Variants in SNX14 observed in about 807,000 individuals in gnomAD.
SNX14 encodes the protein sorting nexin-14.
A neutral mutation model predicts 133.8 loss-of-function variants in SNX14; 93 were observed. The ratio of observed to expected loss-of-function variants is 0.70; its 90% CI spans 0.59 to 0.83. The LOEUF (loss-of-function observed/expected upper bound fraction) is 0.83, where lower values mean the gene tolerates loss of function less well. SNX14 is among the 40% of genes least tolerant of loss of function. The probability of loss-of-function intolerance (pLI) is 0.00; values close to 1 mark genes in which losing one functional copy is unlikely to be tolerated. For synonymous variants in SNX14, 368 were observed against 365.6 expected (o/e 1.01, Z -0.07); for missense variants, 945 against 1,094.9 (o/e 0.86, Z 1.93).
At chr6:85,544,302 A>G (rs904025357) in intron 12 of SNX14, among the ~76,000 whole-genome samples, 2 of 152,084 alleles carry the variant, frequency 1.3e-5, no homozygotes, top group Non-Finnish European at 2.9e-5. Flanking sequence ...TAAGGAGTTT[A>G]CCTTTTACTT....
rs554402977 is a variant in SNX14, at chr6:85,586,274, G to C, written c.140+7305C>G. Among the ~76,000 whole-genome samples, 5 of 152,260 alleles carry C rather than the reference G, an allele frequency of 3.3e-5. No individual in the cohort carries two copies. The East Asian group carries it at 9.6e-4, about 29-fold the overall frequency. On this transcript the variant is annotated intron_variant, in intron 1 of 28. Transcript: ENST00000314673. ...CTAAGAAAGGTTTTACATTTTTAAA[G>C]GGTTTTTTAGAAAGAAGAATAAGCA...
At chr6:85,565,255 C>G (rs1793401186) in intron 6 of SNX14, 77 bp downstream of exon 6, 1 of 859,452 alleles carries the variant, frequency 1.2e-6, no homozygotes, top group Non-Finnish European at 1.8e-6. Flanking sequence ...GCCATGTACT[C>G]ACAAAAAATT....
In SNX14 at chr6:85,543,216, T is replaced by C. The variant is rs144690243; in HGVS notation, c.1355A>G (p.Asn452Ser). ...ATGGCAGAACATAGGAGTAAATACA[T>C]TCTCCAAAAGGGAAAGAACATGTTC... ...AYEHVLSLLE[N>S]VFTPMFCHSD... is the part of the protein sequence containing the mutation. The change falls in exon 14 of 29, where the codon AAT becomes AGT. Residue 452 changes from asparagine to serine, a missense_variant. Around this residue, in one of 3 missense-constraint regions of SNX14, gnomAD observed 514 missense variants for 538.8 expected, o/e 0.95. Transcript: ENST00000314673. 6.3e-6 allele frequency: 10 copies of C among 1,591,960 alleles called. No individual in the cohort carries two copies. The highest frequency in any genetic ancestry group is 8.5e-6 in the Non-Finnish European group (10 of 1,171,896).
intron 5 of SNX14, 95 bp downstream of exon 5, chr6:85,567,439 A>AAATCCTGGTCT: frequency 1.1e-6 from 1 of 933,258 alleles, no homozygotes; most frequent in Non-Finnish European, 1.6e-6. Flanking sequence ...CAAAGTTGAG[A>AAATCCTGGTCT]AATCCTGGTC....
rs147269472 is a variant in SNX14 at position 85,593,694 on chromosome 6, C to T, written c.25G>A (p.Gly9Arg). ...CGCAGCCGCTGCTTCAGCTTCTGCC[C>T]CATCGTCCGCACCCAGGGCACCATC... MVPWVRTMGQKLKQRLRLD... is the reference protein window; with the variant it reads MVPWVRTMRQKLKQRLRLD... Residue 9 changes from glycine (G) to arginine (R), a missense_variant, in exon 1 of 29, where the codon GGG (glycine) becomes AGG (arginine). This residue lies in a region of SNX14 where 514 missense variants were observed against 538.8 expected (regional missense o/e 0.95). Transcript: ENST00000314673. 3.1e-6 allele frequency: 5 copies of T among 1,613,526 alleles called. No homozygotes were observed. The highest frequency in any genetic ancestry group is 3.4e-6 in the Non-Finnish European group (4 of 1,179,930).
chr6:85,567,834 T>C (rs946672494), intron 4 of SNX14: 3 of 258,234 alleles, frequency 1.2e-5, no homozygotes, highest in African/African-American at 7.0e-5. Context: ...AACAGAACAA[T>C]AAGCTGGGTG....
Position 85,517,780 on chromosome 6 carries a change from G to A in SNX14, c.2244C>T (p.Ser748=). 1 of 1,603,554 alleles carries A rather than the reference G, an allele frequency of 6.2e-7. No individual in the cohort carries two copies. Among genetic ancestry groups the A allele is most frequent in the Non-Finnish European group, 8.5e-7 (1 of 1,177,396 alleles). The change falls in exon 23 of 29, where the codon AGC becomes AGT. Residue 748 remains serine (S), a synonymous_variant. Coordinates refer to ENST00000314673, the MANE Select transcript of SNX14 (RefSeq NM_153816.6). The part of the protein sequence containing the change: ...KPSRPELTIL[S]PTSENNKKLF... ...CCTTCTTGTTGTTTTCTGAAGTAGGGCTGAGAATGGTCAGTTCTGGTCTAC... is the reference window on the plus strand; with the variant it reads ...CCTTCTTGTTGTTTTCTGAAGTAGGACTGAGAATGGTCAGTTCTGGTCTAC...
chr6:85,575,963 T>C (rs1252631036), intron 1 of SNX14, among the ~76,000 whole-genome samples: 1 of 152,196 alleles, frequency 6.6e-6, no homozygotes, highest in Non-Finnish European at 1.5e-5. Flanking sequence ...TACAAAGAAA[T>C]ATAACACTTT....
chr6:85,574,994 G>C (rs1247115654), intron 1 of SNX14, among the ~76,000 whole-genome samples: 1 of 152,172 alleles, frequency 6.6e-6, no homozygotes, highest in South Asian at 2.1e-4. Context: ...AACTTAAAGG[G>C]TAAGTAGGAA....
At chr6:85,516,810 G>A (rs909225557) in intron 23 of SNX14, among the ~76,000 whole-genome samples, 1 of 151,870 alleles carries the variant, frequency 6.6e-6, no homozygotes, top group African/African-American at 2.4e-5. Context: ...ACTAATTTTT[G>A]TATTTTCAGT....
chr6:85,513,112 CTGAG>C (rs1156898787), intron 26 of SNX14, among the ~76,000 whole-genome samples: 1 of 152,150 alleles, frequency 6.6e-6, no homozygotes, highest in East Asian at 1.9e-4. Context: ...ACACTTCCTC[CTGAG>C]TAATTTATAG....
At chr6:85,520,050 G>A (rs1421459003) in intron 21 of SNX14, among the ~76,000 whole-genome samples, 2 of 151,794 alleles carry the variant, frequency 1.3e-5, no homozygotes, top group Non-Finnish European at 2.9e-5. Context: ...AGCAGTAGTA[G>A]TAGTAGTAAT....
At position 85,518,319 on chromosome 6, in the gene SNX14, C is replaced by T. The variant is rs563441839; in HGVS notation, c.2108-271G>A. ...GGAACAAGCCAAGGGTTGATAACAACGTTGAGTAAGAAGTTTATTACATAA... is the reference window on the plus strand; with the variant it reads ...GGAACAAGCCAAGGGTTGATAACAATGTTGAGTAAGAAGTTTATTACATAA... On this transcript the variant is annotated intron_variant, in intron 21 of 28. Transcript: ENST00000314673. 3.2e-4 allele frequency among the ~76,000 whole-genome samples: 49 copies of T among 152,168 alleles called. No individual in the cohort carries two copies. The Middle Eastern group carries it at 0.01, about 32-fold the overall frequency.
chr6:85,544,919 A>G (rs1370186826), intron 12 of SNX14, among the ~76,000 whole-genome samples: 1 of 152,220 alleles, frequency 6.6e-6, no homozygotes, highest in African/African-American at 2.4e-5. Flanking sequence ...TAATTGTAAG[A>G]ACCTTTAAAA....
rs765192341 is a variant in SNX14 at position 85,547,397 on chromosome 6, G to A, written c.913C>T (p.Pro305Ser). ...LLIIFIDDSP[P>S]EKATEPASPL... The stretch of plus-strand genomic sequence containing the variant: ...GAAGCCGGTTCAGTTGCTTTTTCAG[G>A]CTTTGAAAGAAAGAGAATTATTAAC... The change falls in exon 11 of 29, where the codon CCT becomes TCT. Residue 305 changes from proline (P) to serine (S), a missense_variant and splice_region_variant. Transcript: ENST00000314673. 2.5e-6 allele frequency: 4 copies of A among 1,612,672 alleles called. No homozygotes were observed. The highest frequency in any genetic ancestry group is 3.4e-6 in the Non-Finnish European group (4 of 1,179,740).
chr6:85,560,816 T>A (rs766300259), intron 6 of SNX14, among the ~76,000 whole-genome samples: 2 of 151,952 alleles, frequency 1.3e-5, no homozygotes. Flanking sequence ...GGTGAATCAC[T>A]TGAAGTCAGG....
chr6:85,528,075 A>AG (rs1231780160), intron 20 of SNX14, among the ~76,000 whole-genome samples, 187 bp downstream of exon 20: 26 of 152,080 alleles, frequency 1.7e-4, no homozygotes, highest in South Asian at 1.5e-3. Flanking sequence ...TTCAATTTGG[A>AG]GGGAGGGTAA....
At chr6:85,508,438 G>T in intron 26 of SNX14, 2 of 917,748 alleles carry the variant, frequency 2.2e-6, no homozygotes, top group African/African-American at 1.8e-5. Flanking sequence ...GTACATACAT[G>T]TATAGAAATG....
chr6:85,509,598 T>C (rs73481326), intron 26 of SNX14, among the ~76,000 whole-genome samples: 1,699 of 152,196 alleles, frequency 0.011, 39 homozygotes, highest in African/African-American at 0.039. Context: ...ATATGTTCCC[T>C]GTCTTGTCTC....
Sources: allele counts gnomAD v4.1 joint callset (sites outside exome capture counted in the v4.1 genomes callset), GRCh38; gene constraint gnomAD v4.1.1; regional missense constraint gnomAD v4.1.1; transcripts MANE v1.5; gene names NCBI Gene and HGNC (gene_info 2026-07-23, HGNC 2026-07-21).